The following KIF26B variants were observed in gnomAD, a reference collection of about 807,000 sequenced individuals.
KIF26B encodes the protein kinesin-like protein KIF26B.
KIF26B carries 63 observed loss-of-function variants against 151.2 expected under a neutral mutation model. The ratio of observed to expected loss-of-function variants is 0.42; its 90% CI spans 0.34 to 0.51. The LOEUF is 0.51. Ranked by LOEUF, KIF26B falls within the 20% of genes least tolerant of loss-of-function variation. The pLI is 0.07. For missense variants in KIF26B, 2,813 were observed against 2,913.6 expected, an observed-to-expected ratio of 0.97 and a Z score of 0.79; for synonymous variants, 1,357 against 1,262.1, an observed-to-expected ratio of 1.08 and a Z score of -1.59.
At chr1:245,385,573 G>A (rs1673523662) in intron 3 of KIF26B, among the ~76,000 whole-genome samples, 1 of 152,200 alleles carries the variant, frequency 6.6e-6, no homozygotes, top group Admixed American at 6.5e-5. Context: ...ATAAAGAGAT[G>A]GAAAGAGGAG....
At chr1:245,506,247 T>C (rs1442580546) in intron 4 of KIF26B, among the ~76,000 whole-genome samples, 2 of 152,210 alleles carry the variant, frequency 1.3e-5, no homozygotes, top group African/African-American at 2.4e-5. Flanking sequence ...TCCTGTGTTT[T>C]GGGGTCAGGA....
At chr1:245,462,090 T>A (rs1440117360) in intron 4 of KIF26B, among the ~76,000 whole-genome samples, 1 of 151,670 alleles carries the variant, frequency 6.6e-6, no homozygotes, top group Non-Finnish European at 1.5e-5. Context: ...ACCACTGCAC[T>A]CCAGCCTTGG....
At chr1:245,329,942 A>T (rs1672067004) in intron 2 of KIF26B, among the ~76,000 whole-genome samples, 2 of 152,126 alleles carry the variant, frequency 1.3e-5, no homozygotes, top group Non-Finnish European at 2.9e-5. Context: ...CCTCCCAAGT[A>T]GCTGTGACTA....
intron 2 of KIF26B, among the ~76,000 whole-genome samples, chr1:245,215,658 G>A (rs979959326): frequency 1.3e-5 from 2 of 152,186 alleles, no homozygotes; most frequent in Admixed American, 1.3e-4. Flanking sequence ...AATCGAAGCT[G>A]GTCTCTGCTC....
At chr1:245,694,815 C>G (rs142291452) in intron 12 of KIF26B, among the ~76,000 whole-genome samples, 260 of 152,272 alleles carry the variant, frequency 1.7e-3, no homozygotes, top group African/African-American at 5.9e-3. Context: ...CCATTTCATG[C>G]GGTAAATCCA....
intron 2 of KIF26B, among the ~76,000 whole-genome samples, chr1:245,284,358 G>A (rs946173696): frequency 2.8e-5 from 4 of 144,642 alleles, no homozygotes; most frequent in Non-Finnish European, 4.5e-5. Context: ...AAGGACTGGG[G>A]TTTTATTTCT....
At chr1:245,643,087 C>T (rs1014855101) in intron 9 of KIF26B, among the ~76,000 whole-genome samples, 1 of 152,230 alleles carries the variant, frequency 6.6e-6, no homozygotes, top group South Asian at 2.1e-4. Flanking sequence ...TCCACACTTA[C>T]ACGTTTAAAT....
chr1:245,273,345 G>A (rs1354312349), intron 2 of KIF26B, among the ~76,000 whole-genome samples: 1 of 151,396 alleles, frequency 6.6e-6, no homozygotes, highest in African/African-American at 2.4e-5. Context: ...TTGAACCCAG[G>A]CAGCAGAGTT....
chr1:245,247,451 G>A (rs1670357086), intron 2 of KIF26B, among the ~76,000 whole-genome samples: 1 of 152,038 alleles, frequency 6.6e-6, no homozygotes, highest in Non-Finnish European at 1.5e-5. Flanking sequence ...GAGCGAGACT[G>A]CATCTTAAAA....
chr1:245,505,853 C>A (rs1175611087), intron 4 of KIF26B, among the ~76,000 whole-genome samples: 1 of 152,052 alleles, frequency 6.6e-6, no homozygotes, highest in Non-Finnish European at 1.5e-5. Flanking sequence ...TTCTTTTTAA[C>A]CATCTCTGCG....
chr1:245,162,249 C>T (rs1179985511), intron 2 of KIF26B, among the ~76,000 whole-genome samples: 1 of 152,174 alleles, frequency 6.6e-6, no homozygotes, highest in East Asian at 1.9e-4. Flanking sequence ...TCTGCAGTCA[C>T]AAGCTATTCA....
chr1:245,372,089 G>A (rs538627762), intron 3 of KIF26B, among the ~76,000 whole-genome samples: 37 of 152,176 alleles, frequency 2.4e-4, no homozygotes, highest in Admixed American at 2.1e-3. Context: ...GGAGCCAGCC[G>A]CAGAGCAGGA....
chr1:245,305,066 A>G (rs13376202), intron 2 of KIF26B, among the ~76,000 whole-genome samples: 3,673 of 152,266 alleles, frequency 0.024, 156 homozygotes, highest in African/African-American at 0.084. Flanking sequence ...TTTAAGCTAT[A>G]TGTTTTTAAA....
At chr1:245,231,853 C>T (rs1670005589) in intron 2 of KIF26B, among the ~76,000 whole-genome samples, 1 of 152,212 alleles carries the variant, frequency 6.6e-6, no homozygotes, top group African/African-American at 2.4e-5. Context: ...TAAGGACCAT[C>T]TGAATCAAGA....
chr1:245,468,371 C>T (rs1466787817), intron 4 of KIF26B, among the ~76,000 whole-genome samples: 1 of 152,088 alleles, frequency 6.6e-6, no homozygotes, highest in East Asian at 1.9e-4. Flanking sequence ...CTGTCCCCTT[C>T]CCAGACACCT....
At chr1:245,195,298 G>C (rs1055600658) in intron 2 of KIF26B, among the ~76,000 whole-genome samples, 6 of 152,108 alleles carry the variant, frequency 3.9e-5, no homozygotes, top group African/African-American at 1.4e-4. Flanking sequence ...TGCTTATTTG[G>C]CACTGACTTT....
chr1:245,649,631 CGGG>C (rs1328634488), intron 10 of KIF26B, among the ~76,000 whole-genome samples: 1 of 152,052 alleles, frequency 6.6e-6, no homozygotes, highest in African/African-American at 2.4e-5. Flanking sequence ...CGGAGGGTGG[CGGG>C]GGGAACAAAA....
At chr1:245,536,102 C>G (rs754539760) in intron 4 of KIF26B, among the ~76,000 whole-genome samples, 1 of 152,078 alleles carries the variant, frequency 6.6e-6, no homozygotes, top group Non-Finnish European at 1.5e-5. Context: ...GCTGGATGTT[C>G]AAACTAAGTC....
chr1:245,627,910 AC>A (rs2043741445), intron 9 of KIF26B, among the ~76,000 whole-genome samples: 1 of 152,122 alleles, frequency 6.6e-6, no homozygotes, highest in Admixed American at 6.5e-5. Flanking sequence ...GGACACATAC[AC>A]CCTCCCAAGA....
Sources: gnomAD v4.1 joint callset for allele counts (sites outside exome capture counted in the v4.1 genomes callset) on GRCh38, gnomAD v4.1.1 for gene constraint, MANE v1.5 for transcripts, NCBI Gene and HGNC (gene_info 2026-07-23, HGNC 2026-07-21) for gene names.